Variants in HLA-F observed in about 807,000 individuals in gnomAD.
HLA-F encodes the protein major histocompatibility complex, class I, F.
HLA-F carries 46 observed loss-of-function variants against 49.5 expected under a neutral mutation model. The observed-to-expected ratio is 0.93, with a 90% confidence interval of 0.73 to 1.19. The LOEUF (loss-of-function observed/expected upper bound fraction) is 1.19. HLA-F is among the 50% of genes most tolerant of loss of function. The pLI is 0.00. For synonymous variants in HLA-F, 203 were observed against 233.5 expected (o/e 0.87, Z 1.19); for missense variants, 496 against 579.6 (o/e 0.86, Z 1.48).
chr6:29,737,307 C>T (rs7751815), intron 3 of HLA-F, among the ~76,000 whole-genome samples: 24,727 of 146,472 alleles, frequency 0.17, 2,358 homozygotes, highest in East Asian at 0.31. Flanking sequence ...CATAGAGATA[C>T]ATTAAACCAC....
chr6:29,725,355 T>C, intron 4 of HLA-F, 49 bp downstream of exon 4: 1 of 1,612,166 alleles, frequency 6.2e-7, no homozygotes, highest in Non-Finnish European at 8.5e-7. Flanking sequence ...ATGTCTTTTC[T>C]CAGGGAAAGC....
intron 5 of HLA-F, 138 bp downstream of exon 5, chr6:29,725,701 C>T: frequency 1.3e-6 from 1 of 755,852 alleles, no homozygotes; most frequent in South Asian, 1.7e-5. Context: ...GCCCTGTGTG[C>T]CAGCACCTAC....
chr6:29,725,176 G>A lies in HLA-F; in HGVS notation c.756G>A (p.Val252=). ...AACAGACCCAGGACACAGAGCTTGTGGAGACCAGGCCTGCAGGGGATGGAA... is the reference window on the plus strand; with the variant it reads ...AACAGACCCAGGACACAGAGCTTGTAGAGACCAGGCCTGCAGGGGATGGAA... ...GEEQTQDTEL[V]ETRPAGDGTF... The change falls in exon 4 of 7, where the codon GTG becomes GTA. Residue 252 remains valine, a synonymous_variant. Transcript: ENST00000259951. 1 of 1,614,136 alleles carries A rather than the reference G, an allele frequency of 6.2e-7. No individual in the cohort carries two copies. Among genetic ancestry groups the A allele is most frequent in the Non-Finnish European group, 8.5e-7 (1 of 1,180,040 alleles).
At chr6:29,732,691 A>T (rs1272799257) in intron 3 of HLA-F, among the ~76,000 whole-genome samples, 5 of 151,798 alleles carry the variant, frequency 3.3e-5, no homozygotes. Context: ...CAAGTGATCC[A>T]CCCACCTCGG....
intron 3 of HLA-F, chr6:29,734,979 A>G (rs1776931371): frequency 6.6e-6 from 1 of 152,164 alleles, no homozygotes; most frequent in South Asian, 2.1e-4. Context: ...GCAATGTTGT[A>G]GCATGTATCA....
intron 3 of HLA-F, chr6:29,737,802 A>T (rs1375621303): frequency 6.6e-6 from 1 of 152,260 alleles, no homozygotes; most frequent in Non-Finnish European, 1.5e-5. Flanking sequence ...GATACTTGGC[A>T]GGGCTACCTT....
chr6:29,731,524 T>TGA (rs9278280), downstream of HLA-F, among the ~76,000 whole-genome samples: 58,679 of 150,312 alleles, frequency 0.39, 11,424 homozygotes, highest in Non-Finnish European at 0.43. Context: ...TGTCCCAGAT[T>TGA]GAGAGAGAGA....
At chr6:29,736,531 C>T (rs1777113241) in intron 3 of HLA-F, 1 of 387,454 alleles carries the variant, frequency 2.6e-6, no homozygotes, top group Non-Finnish European at 5.0e-6. Flanking sequence ...GGTGGACAAA[C>T]CATAAGTGGG....
At chr6:29,724,785 A>G (rs1736926) in intron 3 of HLA-F, among the ~76,000 whole-genome samples, 125,609 of 152,042 alleles carry the variant, frequency 0.83, 52,153 homozygotes, top group East Asian at 0.98. Flanking sequence ...AATGTGTTTG[A>G]GGCTCTGATT....
chr6:29,727,727 A>C (rs1347921683), downstream of HLA-F, among the ~76,000 whole-genome samples: 1 of 152,162 alleles, frequency 6.6e-6, no homozygotes, highest in African/African-American at 2.4e-5. Context: ...GACTTCCCAG[A>C]GATGCAGAAC....
intron 3 of HLA-F, among the ~76,000 whole-genome samples, chr6:29,737,211 C>T (rs114549249): frequency 0.021 from 1,794 of 86,000 alleles, 21 homozygotes; most frequent in Admixed American, 0.052. Flanking sequence ...ACCATCAATC[C>T]TCATGGCAAA....
At chr6:29,726,557 A>G in intron 6 of HLA-F, 1 of 1,446,636 alleles carries the variant, frequency 6.9e-7, no homozygotes, top group Non-Finnish European at 9.1e-7. Flanking sequence ...GCATGCACGT[A>G]AATGTGTGTG....
intron 3 of HLA-F, among the ~76,000 whole-genome samples, chr6:29,737,411 ATAT>A (rs1777213137): frequency 6.6e-6 from 1 of 152,186 alleles, no homozygotes; most frequent in Non-Finnish European, 1.5e-5. Context: ...GAGGATAAAA[ATAT>A]ACTCTTAAAG....
chr6:29,727,445 T>G (rs1776215050), downstream of HLA-F: 3 of 392,546 alleles, frequency 7.6e-6, no homozygotes, highest in Non-Finnish European at 1.3e-5. Context: ...AACCCATCTT[T>G]TTTCTTTTAG....
At chr6:29,733,713 A>G (rs560595764) in intron 3 of HLA-F, among the ~76,000 whole-genome samples, 2 of 152,360 alleles carry the variant, frequency 1.3e-5, no homozygotes, top group African/African-American at 4.8e-5. Flanking sequence ...TAGGGCAGAA[A>G]TGCCGATTAT....
chr6:29,736,284 G>T (rs1311232098), intron 3 of HLA-F: 1 of 375,484 alleles, frequency 2.7e-6, no homozygotes, highest in African/African-American at 2.1e-5. Context: ...TGGCTCAACA[G>T]CCATTTCCAA....
intron 3 of HLA-F, among the ~76,000 whole-genome samples, chr6:29,734,428 C>T (rs1269438384): frequency 2.0e-5 from 3 of 152,136 alleles, no homozygotes; most frequent in Non-Finnish European, 2.9e-5. Context: ...CAGAGTTGCA[C>T]CTGAGCATTT....
At chr6:29,726,321 T>C in intron 6 of HLA-F, 23 of 1,440,904 alleles carry the variant, frequency 1.6e-5, no homozygotes, top group Non-Finnish European at 2.2e-5. Flanking sequence ...GACTTGGATG[T>C]CTTGAGCATG....
downstream of HLA-F, among the ~76,000 whole-genome samples, chr6:29,732,057 C>A (rs1776671969): frequency 6.6e-6 from 1 of 152,192 alleles, no homozygotes; most frequent in African/African-American, 2.4e-5. Flanking sequence ...CTCAACCTTC[C>A]AGGCTCGAAC....
Sources: allele counts gnomAD v4.1 joint callset (sites outside exome capture counted in the v4.1 genomes callset), GRCh38; gene constraint gnomAD v4.1.1; transcripts MANE v1.5; gene names NCBI Gene and HGNC (gene_info 2026-07-23, HGNC 2026-07-21).